Variants in RSPO2 observed in about 807,000 individuals in gnomAD.
The protein encoded by RSPO2 is R-spondin 2.
RSPO2 carries 14 observed loss-of-function variants against 30.9 expected under a neutral mutation model. That is an observed-to-expected ratio of 0.45 (90% CI 0.30 to 0.71). RSPO2 has a LOEUF of 0.71. RSPO2 is among the 30% of genes least tolerant of loss of function. The pLI is 0.08. For missense variants in RSPO2, 264 were observed against 301.9 expected, an observed-to-expected ratio of 0.87 and a Z score of 0.93; for synonymous variants, 107 against 96.4, an observed-to-expected ratio of 1.11 and a Z score of -0.64.
intron 2 of RSPO2, among the ~76,000 whole-genome samples, chr8:108,034,622 A>G (rs576944925): frequency 9.8e-5 from 15 of 152,364 alleles, no homozygotes; most frequent in Non-Finnish European, 2.2e-4. Flanking sequence ...GAAATATTTC[A>G]TAATAAAATT....
chr8:108,000,662 G>A (rs1311189612), intron 2 of RSPO2, among the ~76,000 whole-genome samples: 1 of 151,992 alleles, frequency 6.6e-6, no homozygotes, highest in African/African-American at 2.4e-5. Flanking sequence ...AGAGTGAGAA[G>A]CTCAAGTAGA....
At chr8:107,985,586 G>T (rs1814596087) in intron 3 of RSPO2, among the ~76,000 whole-genome samples, 1 of 152,026 alleles carries the variant, frequency 6.6e-6, no homozygotes, top group South Asian at 2.1e-4. Flanking sequence ...AGACAAAATG[G>T]TTTTTGTTAT....
intron 5 of RSPO2, among the ~76,000 whole-genome samples, chr8:107,909,075 A>G (rs1811740227): frequency 6.6e-6 from 1 of 152,138 alleles, no homozygotes; most frequent in African/African-American, 2.4e-5. Context: ...GTGGAAAGAC[A>G]GCAAATATAC....
rs147384273 is a variant in RSPO2, at chr8:108,054,515, C to T, written c.94+28030G>A. On this transcript the variant is annotated intron_variant, in intron 2 of 5. Transcript: ENST00000276659. Reference sequence around the variant, plus strand: ...TTCCATGAGTCAAAACTCAGGCCCACAGCCACCCCTAACTCCACGAGGGGT... The same window carrying T: ...TTCCATGAGTCAAAACTCAGGCCCATAGCCACCCCTAACTCCACGAGGGGT... 5.1e-3 allele frequency among the ~76,000 whole-genome samples: 773 copies of T among 152,282 alleles called. 9 individuals carry two copies. The highest frequency in any genetic ancestry group is 0.017 in the African/African-American group (719 of 41,544).
chr8:107,957,554 T>G (rs1216693684), intron 5 of RSPO2, among the ~76,000 whole-genome samples: 1 of 152,232 alleles, frequency 6.6e-6, no homozygotes, highest in African/African-American at 2.4e-5. Context: ...CTACAAATTA[T>G]TATCAAAACA....
At chr8:108,063,453 G>A (rs868279122) in intron 2 of RSPO2, among the ~76,000 whole-genome samples, 3 of 151,602 alleles carry the variant, frequency 2.0e-5, no homozygotes, top group Admixed American at 6.6e-5. Flanking sequence ...AGAATAAAAT[G>A]CCTAGGAATC....
intron 5 of RSPO2, among the ~76,000 whole-genome samples, chr8:107,907,553 G>A (rs1050354576): frequency 4.6e-5 from 7 of 151,824 alleles, no homozygotes; most frequent in African/African-American, 1.7e-4. Flanking sequence ...AAAAGAGCAT[G>A]TGCTTTTAAA....
At chr8:107,957,992 A>T in intron 5 of RSPO2, 88 bp downstream of exon 5, 2 of 912,294 alleles carry the variant, frequency 2.2e-6, no homozygotes, top group Middle Eastern at 2.3e-4. Flanking sequence ...TTCAAAGATA[A>T]ATACTTATTT....
intron 2 of RSPO2, among the ~76,000 whole-genome samples, chr8:107,993,618 A>T (rs1240038645): frequency 6.6e-6 from 1 of 152,084 alleles, no homozygotes; most frequent in Non-Finnish European, 1.5e-5. Flanking sequence ...GGGATGGAGG[A>T]GGTATATTAG....
chr8:107,982,107 G>A (rs1814463802), intron 3 of RSPO2, among the ~76,000 whole-genome samples: 1 of 149,120 alleles, frequency 6.7e-6, no homozygotes, highest in African/African-American at 2.5e-5. Flanking sequence ...TTCACAAAAT[G>A]TCAAAACAAG....
At chr8:108,018,694 GATAA>G (rs1462148412) in intron 2 of RSPO2, among the ~76,000 whole-genome samples, 1 of 152,096 alleles carries the variant, frequency 6.6e-6, no homozygotes, top group African/African-American at 2.4e-5. Context: ...AGAAAATCTG[GATAA>G]ATATTAAAAA....
intron 5 of RSPO2, among the ~76,000 whole-genome samples, chr8:107,906,724 C>T (rs2130256031): frequency 6.6e-6 from 1 of 152,014 alleles, no homozygotes; most frequent in East Asian, 1.9e-4. Context: ...ACACTATGTC[C>T]TATGTAGCCT....
At position 107,974,112 on chromosome 8, in the gene RSPO2, G is replaced by C. The variant is rs540623753; in HGVS notation, c.284-13295C>G. Among the ~76,000 whole-genome samples, 55 of 152,222 alleles carry C rather than the reference G, an allele frequency of 3.6e-4. No individual in the cohort carries two copies. In the South Asian group the frequency reaches 0.011, roughly 30 times the overall value. On this transcript the variant is annotated intron_variant, in intron 3 of 5. Coordinates refer to ENST00000276659, the MANE Select transcript of RSPO2 (RefSeq NM_178565.5). ...CTACAGGGGTGCCAACTTCATATTT[G>C]AATTCCGCAGGTCTAACTGTTCCAG...
intron 2 of RSPO2, among the ~76,000 whole-genome samples, chr8:107,998,107 A>G (rs767653358): frequency 6.6e-6 from 1 of 152,226 alleles, no homozygotes; most frequent in Non-Finnish European, 1.5e-5. Context: ...TTTTAAATGA[A>G]CAATTAATAT....
At chr8:107,999,724 C>T (rs190541770) in intron 2 of RSPO2, among the ~76,000 whole-genome samples, 13 of 152,056 alleles carry the variant, frequency 8.5e-5, no homozygotes, top group East Asian at 7.7e-4. Flanking sequence ...CATGAGCCAC[C>T]GTGCCCAACC....
At chr8:107,945,846 A>T (rs1239685221) in intron 5 of RSPO2, among the ~76,000 whole-genome samples, 1 of 152,148 alleles carries the variant, frequency 6.6e-6, no homozygotes, top group Non-Finnish European at 1.5e-5. Context: ...GCCCTATGCT[A>T]ATCAGGAGGC....
chr8:107,966,457 G>A lies in RSPO2; in HGVS notation c.284-5640C>T, dbSNP rs117886436. Reference sequence around the variant, plus strand: ...GCTTGACGTAAAGACACAGCGAGCTGGAGAGTGAACGTTTTCAGAAAGTTA... The same window carrying A: ...GCTTGACGTAAAGACACAGCGAGCTAGAGAGTGAACGTTTTCAGAAAGTTA... On this transcript the variant is annotated intron_variant, in intron 3 of 5. Transcript: ENST00000276659. Among the ~76,000 whole-genome samples, 23 of 152,276 alleles carry A rather than the reference G, an allele frequency of 1.5e-4. No homozygotes were observed. In the East Asian group the frequency reaches 4.1e-3, roughly 27 times the overall value.
intron 2 of RSPO2, among the ~76,000 whole-genome samples, chr8:108,055,563 C>T (rs2130688657): frequency 6.6e-6 from 1 of 151,956 alleles, no homozygotes; most frequent in African/African-American, 2.4e-5. Flanking sequence ...AAAATGGCAG[C>T]CGACTTAGAA....
At chr8:107,944,348 T>C (rs895503051) in intron 5 of RSPO2, among the ~76,000 whole-genome samples, 2 of 152,208 alleles carry the variant, frequency 1.3e-5, no homozygotes, top group Non-Finnish European at 2.9e-5. Context: ...ATCCACCTTA[T>C]ACTATATTTA....
Sources: gnomAD v4.1 joint callset for allele counts (sites outside exome capture counted in the v4.1 genomes callset) on GRCh38, gnomAD v4.1.1 for gene constraint, MANE v1.5 for transcripts, NCBI Gene and HGNC (gene_info 2026-07-23, HGNC 2026-07-21) for gene names.